The following CNTN5 variants were observed in gnomAD, a reference collection of about 807,000 sequenced individuals.
CNTN5 encodes contactin 5.
Under a neutral mutation model 129.1 loss-of-function variants are expected in CNTN5, and 77 were observed. The ratio of observed to expected loss-of-function variants is 0.60; its 90% confidence interval spans 0.50 to 0.72. The LOEUF is 0.72. CNTN5 is among the 30% of genes least tolerant of loss of function. CNTN5 has a pLI of 0.00. For missense variants in CNTN5, 1,478 were observed against 1,328.8 expected, an observed-to-expected ratio of 1.11 and a Z score of -1.75; for synonymous variants, 509 against 465.6, an observed-to-expected ratio of 1.09 and a Z score of -1.20.
intron 2 of CNTN5, among the ~76,000 whole-genome samples, chr11:99,502,120 A>G (rs965807525): frequency 6.6e-6 from 1 of 152,208 alleles, no homozygotes; most frequent in Non-Finnish European, 1.5e-5. Flanking sequence ...TAATTCTGCA[A>G]CAGACAATTC....
intron 3 of CNTN5, among the ~76,000 whole-genome samples, chr11:99,706,456 T>A (rs1356378058): frequency 6.6e-6 from 1 of 151,522 alleles, no homozygotes; most frequent in African/African-American, 2.4e-5. Flanking sequence ...TTTCTTATTC[T>A]TTTACTTGGC....
chr11:99,550,013 ACGC>A (rs1948430182), intron 2 of CNTN5, among the ~76,000 whole-genome samples: 2 of 152,134 alleles, frequency 1.3e-5, no homozygotes, highest in Non-Finnish European at 2.9e-5. Context: ...ACCCTATTCC[ACGC>A]AGGTTTTGTT....
At chr11:99,231,159 G>A (rs148174950) in intron 1 of CNTN5, among the ~76,000 whole-genome samples, 202 of 152,164 alleles carry the variant, frequency 1.3e-3, no homozygotes, top group Non-Finnish European at 2.2e-3. Context: ...ATTCCTTTGG[G>A]TATATACCCA....
intron 23 of CNTN5, among the ~76,000 whole-genome samples, chr11:100,349,581 CA>C (rs1248709445): frequency 6.6e-6 from 1 of 151,720 alleles, no homozygotes; most frequent in Non-Finnish European, 1.5e-5. Context: ...TTTTCCCAGC[CA>C]GGAAGGTATA....
chr11:99,147,041 AAAG>A (rs1338482540), intron 1 of CNTN5, among the ~76,000 whole-genome samples: 3 of 151,578 alleles, frequency 2.0e-5, no homozygotes, highest in Non-Finnish European at 4.4e-5. Flanking sequence ...GACAAAATAA[AAAG>A]AAGCATGATA....
At chr11:100,088,041 A>G (rs1027807034) in intron 13 of CNTN5, among the ~76,000 whole-genome samples, 1 of 58,134 alleles carries the variant, frequency 1.7e-5, no homozygotes, top group Non-Finnish European at 3.4e-5. Flanking sequence ...AGGCAGAAAT[A>G]AAAAAAAAAA....
chr11:99,393,231 A>G (rs1431833289), intron 2 of CNTN5, among the ~76,000 whole-genome samples: 1 of 151,790 alleles, frequency 6.6e-6, no homozygotes, highest in East Asian at 1.9e-4. Flanking sequence ...CTCAGGTTAC[A>G]GGAAGACATA....
intron 3 of CNTN5, among the ~76,000 whole-genome samples, chr11:99,575,109 ATC>A (rs1240652372): frequency 6.6e-6 from 1 of 152,164 alleles, no homozygotes; most frequent in Non-Finnish European, 1.5e-5. Context: ...TTTTCCAATA[ATC>A]TCATATCTTT....
intron 4 of CNTN5, among the ~76,000 whole-genome samples, chr11:99,821,372 G>A (rs1946795469): frequency 6.6e-6 from 1 of 152,168 alleles, no homozygotes; most frequent in Non-Finnish European, 1.5e-5. Flanking sequence ...ATTAATGCTT[G>A]TACACCTACT....
At chr11:99,894,033 T>G (rs923634111) in intron 6 of CNTN5, among the ~76,000 whole-genome samples, 1 of 152,114 alleles carries the variant, frequency 6.6e-6, no homozygotes, top group Non-Finnish European at 1.5e-5. Flanking sequence ...CTGGTATCCT[T>G]AATGCCAGCT....
intron 1 of CNTN5, among the ~76,000 whole-genome samples, chr11:99,300,997 A>G (rs1274349871): frequency 1.3e-5 from 2 of 151,878 alleles, no homozygotes; most frequent in Non-Finnish European, 2.9e-5. Flanking sequence ...TACCTAAGGT[A>G]TATTGGAGTG....
At chr11:99,610,968 A>C (rs142697704) in intron 3 of CNTN5, among the ~76,000 whole-genome samples, 145 of 152,304 alleles carry the variant, frequency 9.5e-4, no homozygotes, top group African/African-American at 3.1e-3. Context: ...GTGCACACCA[A>C]AGCAAATCAT....
chr11:99,129,457 A>T (rs1215738426), intron 1 of CNTN5, among the ~76,000 whole-genome samples: 1 of 152,134 alleles, frequency 6.6e-6, no homozygotes, highest in Non-Finnish European at 1.5e-5. Flanking sequence ...GAACTATGGG[A>T]CTATGTAAAA....
intron 16 of CNTN5, among the ~76,000 whole-genome samples, chr11:100,234,267 C>T (rs566624102): frequency 6.6e-6 from 1 of 152,168 alleles, no homozygotes; most frequent in East Asian, 1.9e-4. Flanking sequence ...CCAGAAATAC[C>T]GTTTGACCCA....
intron 1 of CNTN5, among the ~76,000 whole-genome samples, chr11:99,139,120 T>G (rs1286311636): frequency 1.9e-5 from 2 of 103,302 alleles, no homozygotes. Context: ...CCCCAAAAAT[T>G]AGCCAGGCAT....
chr11:100,142,277 T>A (rs1946718850), intron 13 of CNTN5, among the ~76,000 whole-genome samples: 1 of 152,200 alleles, frequency 6.6e-6, no homozygotes, highest in South Asian at 2.1e-4. Context: ...CATAAGCCAA[T>A]TCTCCTAATA....
Position 99,826,727 on chromosome 11 carries a change from A to C in CNTN5, c.277+6962A>C, listed in dbSNP as rs376128886. Among the ~76,000 whole-genome samples, 11 of 152,330 alleles carry C rather than the reference A, an allele frequency of 7.2e-5. No individual in the cohort carries two copies. In the South Asian group the frequency reaches 8.3e-4, roughly 11 times the overall value. On this transcript the variant is annotated intron_variant, in intron 4 of 24. Transcript: ENST00000524871. ...GTTGTAGCAAAGTATGAATGGCTGC[A>C]ATGAAATTATAAATAGGCTTCTTAT...
chr11:99,789,703 G>A (rs930001766), intron 3 of CNTN5, among the ~76,000 whole-genome samples: 1 of 151,858 alleles, frequency 6.6e-6, no homozygotes, highest in Non-Finnish European at 1.5e-5. Flanking sequence ...CTTAAATCTT[G>A]TCTTCCACCC....
chr11:99,757,060 C>G (rs1011159454), intron 3 of CNTN5, among the ~76,000 whole-genome samples: 1 of 151,836 alleles, frequency 6.6e-6, no homozygotes, highest in Non-Finnish European at 1.5e-5. Context: ...TAGCACAAAC[C>G]AGATGAGTTA....
Sources: allele counts gnomAD v4.1 joint callset (sites outside exome capture counted in the v4.1 genomes callset), GRCh38; gene constraint gnomAD v4.1.1; transcripts MANE v1.5; gene names NCBI Gene and HGNC (gene_info 2026-07-23, HGNC 2026-07-21).